Variants in AGPS observed in about 807,000 individuals in gnomAD.
AGPS encodes the protein alkylglycerone phosphate synthase.
Under a neutral mutation model 90.7 loss-of-function variants are expected in AGPS, and 26 were observed. The ratio of observed to expected loss-of-function variants is 0.29; its 90% CI spans 0.21 to 0.40. The LOEUF is 0.40. AGPS is among the 10% of genes least tolerant of loss of function. AGPS has a pLI of 1.00. For missense variants in AGPS, 540 were observed against 816.1 expected, an observed-to-expected ratio of 0.66 and a Z score of 4.12; for synonymous variants, 294 against 285.3, an observed-to-expected ratio of 1.03 and a Z score of -0.31.
intron 16 of AGPS, among the ~76,000 whole-genome samples, chr2:177,509,177 C>T (rs1305053882): frequency 1.3e-5 from 2 of 152,060 alleles, no homozygotes; most frequent in Non-Finnish European, 2.9e-5. Flanking sequence ...CGCTGGTGTT[C>T]GTATTCCATG....
chr2:177,511,597 G>A (rs554043143), intron 16 of AGPS, among the ~76,000 whole-genome samples: 1 of 152,276 alleles, frequency 6.6e-6, no homozygotes, highest in Admixed American at 6.5e-5. Flanking sequence ...GGATGTAGAG[G>A]TAATCCAATG....
At chr2:177,517,559 C>G (rs1689056080) in intron 17 of AGPS, among the ~76,000 whole-genome samples, 1 of 152,102 alleles carries the variant, frequency 6.6e-6, no homozygotes, top group African/African-American at 2.4e-5. Flanking sequence ...TAGTGACTGA[C>G]TTTAAGTGCA....
intron 12 of AGPS, among the ~76,000 whole-genome samples, chr2:177,495,917 CAAAAAAA>C (rs57571340): frequency 4.3e-5 from 4 of 93,176 alleles, no homozygotes; most frequent in Non-Finnish European, 8.3e-5. Context: ...GACTCTGTCT[CAAAAAAA>C]AAAAAAAAAA....
At chr2:177,494,268 G>GT (rs1688349708) in intron 12 of AGPS, among the ~76,000 whole-genome samples, 1 of 152,216 alleles carries the variant, frequency 6.6e-6, no homozygotes, top group South Asian at 2.1e-4. Flanking sequence ...AGTCAGGTTC[G>GT]TAACATATTA....
At chr2:177,424,452 A>ATT (rs58067920) in intron 2 of AGPS, among the ~76,000 whole-genome samples, 94 of 151,256 alleles carry the variant, frequency 6.2e-4, no homozygotes, top group East Asian at 4.8e-3. Flanking sequence ...TAATAGAATG[A>ATT]TTTTTTTTTT....
rs1373468585 is a variant in AGPS, at chr2:177,539,972, G to A, written c.*1777G>A. 1 of 148,994 alleles carries A rather than the reference G, an allele frequency of 6.7e-6. No individual in the cohort carries two copies. The highest frequency in any genetic ancestry group is 1.5e-5 in the Non-Finnish European group (1 of 67,402). The allele number at this position is 148,994 out of a possible 1,614,324, so 9.2% of individuals were successfully genotyped here. A position where few individuals can be genotyped will look rare whatever the true frequency, so the allele number is the denominator to read the frequency against. Reference sequence around the variant, plus strand: ...TTTATAAAATGCATCTGTTCACGAAGGTAATTTCTTTAATTGGTGATCAAA... The same window carrying A: ...TTTATAAAATGCATCTGTTCACGAAAGTAATTTCTTTAATTGGTGATCAAA... On this transcript the variant is annotated 3_prime_UTR_variant, in exon 20 of 20. Coordinates refer to ENST00000264167, the MANE Select transcript of AGPS (RefSeq NM_003659.4).
chr2:177,513,740 C>T, intron 16 of AGPS, 79 bp from the exon 17 acceptor site: 2 of 1,047,636 alleles, frequency 1.9e-6, no homozygotes, highest in East Asian at 2.4e-5. Flanking sequence ...TTGAATGATG[C>T]CAGATTAACC....
intron 1 of AGPS, among the ~76,000 whole-genome samples, chr2:177,410,736 C>T (rs1195374311): frequency 6.6e-6 from 1 of 152,086 alleles, no homozygotes; most frequent in Non-Finnish European, 1.5e-5. Flanking sequence ...GACAGTTAAC[C>T]TCCTGGCCCT....
chr2:177,463,870 A>G (rs746226720), intron 9 of AGPS, among the ~76,000 whole-genome samples: 6 of 152,214 alleles, frequency 3.9e-5, no homozygotes, highest in Non-Finnish European at 8.8e-5. Context: ...TAAGGGATAC[A>G]AATTATAAGT....
intron 10 of AGPS, among the ~76,000 whole-genome samples, chr2:177,469,909 G>C (rs1209015701): frequency 6.6e-6 from 1 of 152,024 alleles, no homozygotes; most frequent in Non-Finnish European, 1.5e-5. Flanking sequence ...ATTTGAGACA[G>C]ATAATAACAG....
At chr2:177,421,960 A>T (rs1289809949) in intron 2 of AGPS, among the ~76,000 whole-genome samples, 1 of 151,994 alleles carries the variant, frequency 6.6e-6, no homozygotes, top group Non-Finnish European at 1.5e-5. Flanking sequence ...TCTGTACAGT[A>T]CTGTAGGCCA....
intron 17 of AGPS, among the ~76,000 whole-genome samples, chr2:177,517,043 G>A (rs755571896): frequency 1.8e-4 from 28 of 151,998 alleles, no homozygotes; most frequent in Non-Finnish European, 3.4e-4. Context: ...CCTAAAATGC[G>A]ATTAAAATTG....
chr2:177,413,717 CA>C (rs940753742), intron 1 of AGPS, among the ~76,000 whole-genome samples: 7 of 152,188 alleles, frequency 4.6e-5, no homozygotes, highest in African/African-American at 1.7e-4. Context: ...CGTAGATCAA[CA>C]CCTGAGGGTA....
At chr2:177,409,174 T>C (rs1001518371) in intron 1 of AGPS, among the ~76,000 whole-genome samples, 2 of 152,152 alleles carry the variant, frequency 1.3e-5, no homozygotes, top group Admixed American at 6.5e-5. Flanking sequence ...GATTTTTTTT[T>C]TTAATCATTA....
intron 1 of AGPS, among the ~76,000 whole-genome samples, chr2:177,395,774 A>C (rs548737018): frequency 3.3e-5 from 5 of 152,324 alleles, no homozygotes; most frequent in Admixed American, 6.5e-5. Context: ...ATTGCTTGTA[A>C]TTGTTTTATC....
Position 177,540,773 on chromosome 2 carries a change from A to G in AGPS, c.*2578A>G, listed in dbSNP as rs1249645480. On this transcript the variant is annotated 3_prime_UTR_variant, in exon 20 of 20. Transcript: ENST00000264167. The stretch of plus-strand genomic sequence containing the variant: ...TGCAATAATTTACTTAAATTTGGTA[A>G]TGTCACATTTGGGTTGGGGTTTCAG... The G allele has an allele frequency of 6.6e-6, 1 of 152,118 alleles. No individual in the cohort carries two copies. The highest frequency in any genetic ancestry group is 6.6e-5 in the Admixed American group (1 of 15,258). 9.4% of individuals were successfully genotyped at this position (152,118 alleles called of 1,614,324 possible).
At chr2:177,461,828 ATG>A (rs1237139671) in intron 8 of AGPS, 63 bp from the exon 9 acceptor site, 14 of 1,475,040 alleles carry the variant, frequency 9.5e-6, no homozygotes, top group Middle Eastern at 3.7e-4. Flanking sequence ...GGAGGAGTTA[ATG>A]TGTTGAGTGC....
chr2:177,455,782 T>A (rs1304014834), intron 8 of AGPS, among the ~76,000 whole-genome samples: 2 of 152,156 alleles, frequency 1.3e-5, no homozygotes, highest in Non-Finnish European at 2.9e-5. Flanking sequence ...TCTCCTGTTT[T>A]TTTTTTTAGC....
chr2:177,446,162 T>A (rs13017303), intron 8 of AGPS, among the ~76,000 whole-genome samples: 7 of 137,494 alleles, frequency 5.1e-5, no homozygotes, highest in African/African-American at 8.1e-5. Context: ...TTTTTTTTTT[T>A]ATTTTTTTTG....
Sources: allele counts gnomAD v4.1 joint callset (sites outside exome capture counted in the v4.1 genomes callset), GRCh38; gene constraint gnomAD v4.1.1; transcripts MANE v1.5; gene names NCBI Gene and HGNC (gene_info 2026-07-23, HGNC 2026-07-21).